POLR1B: variants seen among roughly 807,000 people sequenced by gnomAD.
POLR1B encodes DNA-directed RNA polymerase I subunit RPA2.
A neutral mutation model predicts 105.8 loss-of-function variants in POLR1B; 30 were observed. That is an observed-to-expected ratio of 0.28 (90% CI 0.21 to 0.38). The LOEUF is 0.38. POLR1B is among the 10% of genes least tolerant of loss of function. The pLI is 1.00. For synonymous variants in POLR1B, 485 were observed against 505.1 expected (o/e 0.96, Z 0.53); for missense variants, 976 against 1,435.8 (o/e 0.68, Z 5.17).
At position 112,573,653 on chromosome 2, in the gene POLR1B, G is replaced by A; in HGVS notation, c.2363G>A (p.Gly788Glu). The change falls in exon 14 of 15, where the codon GGA becomes GAA. Residue 788 changes from glycine (G) to glutamate (E), a missense_variant. Gly to Glu is a moderately conservative substitution (Grantham distance 98). This residue lies in a region of POLR1B where 119 missense variants were observed against 149.7 expected (regional missense o/e 0.79). Transcript: ENST00000263331. Reference sequence around the variant, plus strand: ...GACCTCTCTGAAAAAATTAAACAAGGAGATAGTAGCCTGGTGTTTGGCATC... The same window carrying A: ...GACCTCTCTGAAAAAATTAAACAAGAAGATAGTAGCCTGGTGTTTGGCATC... ...FIDLSEKIKQ[G>E]DSSLVFGIKP... The A allele has an allele frequency of 1.9e-6, 3 of 1,614,176 alleles. No homozygotes were observed. Among genetic ancestry groups the A allele is most frequent in the Non-Finnish European group, 2.5e-6 (3 of 1,180,036 alleles).
At chr2:112,550,619 G>A (rs1268046808) in intron 4 of POLR1B, 1 of 516,868 alleles carries the variant, frequency 1.9e-6, no homozygotes, top group East Asian at 3.3e-5. Context: ...GTCCTGGAGG[G>A]AAACTTTGAA....
intron 7 of POLR1B, among the ~76,000 whole-genome samples, chr2:112,555,698 G>C (rs923450649): frequency 6.6e-6 from 1 of 152,178 alleles, no homozygotes; most frequent in African/African-American, 2.4e-5. Flanking sequence ...TTACTAAGGT[G>C]ACCTGTGTCA....
intron 3 of POLR1B, among the ~76,000 whole-genome samples, chr2:112,548,379 A>G (rs1389138495): frequency 6.6e-6 from 1 of 152,240 alleles, no homozygotes; most frequent in Non-Finnish European, 1.5e-5. Context: ...TGTTATGAGA[A>G]TTAAATGTTA....
intron 13 of POLR1B, among the ~76,000 whole-genome samples, chr2:112,572,980 T>A (rs544413363): frequency 6.6e-6 from 1 of 152,260 alleles, no homozygotes; most frequent in Non-Finnish European, 1.5e-5. Flanking sequence ...TTTGAGTGCA[T>A]ATTATGAGTA....
chr2:112,573,540 T>C lies in POLR1B; in HGVS notation c.2272-22T>C, dbSNP rs1028488217. The C allele has an allele frequency of 2.5e-6, 4 of 1,600,798 alleles. No individual in the cohort carries two copies. In the African/African-American group the frequency reaches 4.0e-5, roughly 16 times the overall value. On this transcript the variant is annotated intron_variant, in intron 13 of 14. Coordinates refer to ENST00000263331, the MANE Select transcript of POLR1B (RefSeq NM_019014.6). ...AAATCCTCAATTGGCCTCAGTCTTT[T>C]AACGATTCTTTTACTTCACAGATTG...
rs1684706382 is a variant in POLR1B, at chr2:112,573,652, G to A, written c.2362G>A (p.Gly788Arg). 1 of 1,614,074 alleles carries A rather than the reference G, an allele frequency of 6.2e-7. No individual in the cohort carries two copies. Among genetic ancestry groups the A allele is most frequent in the Admixed American group, 1.7e-5 (1 of 60,006 alleles). Residue 788 changes from glycine to arginine, a missense_variant, in exon 14 of 15, where the codon GGA (glycine) becomes AGA (arginine). Physicochemically the swap from Gly to Arg is moderately radical, Grantham distance 125. Transcript: ENST00000263331. ...FIDLSEKIKQ[G>R]DSSLVFGIKP... is the part of the protein sequence containing the mutation. ...AGACCTCTCTGAAAAAATTAAACAA[G>A]GAGATAGTAGCCTGGTGTTTGGCAT...
intron 7 of POLR1B, 116 bp downstream of exon 7, chr2:112,552,932 G>A (rs1683450618): frequency 1.6e-5 from 16 of 1,000,008 alleles, no homozygotes; most frequent in Admixed American, 4.0e-5. Context: ...CATTTTGTGT[G>A]GTCTCTTTTT....
At chr2:112,554,322 G>A (rs190877282) in intron 7 of POLR1B, among the ~76,000 whole-genome samples, 229 of 151,208 alleles carry the variant, frequency 1.5e-3, no homozygotes, top group African/African-American at 2.8e-3. Flanking sequence ...TAGTAGAGAC[G>A]GGATTTCACC....
intron 10 of POLR1B, 80 bp from the exon 11 acceptor site, chr2:112,567,887 T>TA: frequency 8.3e-7 from 1 of 1,208,408 alleles, no homozygotes; most frequent in Non-Finnish European, 1.2e-6. Flanking sequence ...GGATGAGTGG[T>TA]ATTCCATGGG....
At chr2:112,557,475 C>T (rs1192505904) in intron 7 of POLR1B, among the ~76,000 whole-genome samples, 3 of 152,114 alleles carry the variant, frequency 2.0e-5, no homozygotes, top group Non-Finnish European at 4.4e-5. Flanking sequence ...CCTGAAAAGC[C>T]CTCTTTCAGG....
At chr2:112,559,166 G>A in intron 8 of POLR1B, 127 bp from the exon 9 acceptor site, 1 of 1,145,882 alleles carries the variant, frequency 8.7e-7, no homozygotes, top group Non-Finnish European at 1.2e-6. Context: ...AGAGCTAGGA[G>A]AATAAATGTT....
At chr2:112,546,051 G>T in intron 1 of POLR1B, 1 of 160,144 alleles carries the variant, frequency 6.2e-6, no homozygotes, top group South Asian at 1.5e-4. Flanking sequence ...GAACCTCCTT[G>T]GTATTCTTTC....
intron 7 of POLR1B, among the ~76,000 whole-genome samples, chr2:112,554,055 T>G (rs1683514861): frequency 6.6e-6 from 1 of 152,186 alleles, no homozygotes; most frequent in African/African-American, 2.4e-5. Context: ...CTCGAACTCC[T>G]GACCTCAGGT....
rs74423057 is a variant in POLR1B at position 112,573,516 on chromosome 2, A to G, written c.2272-46A>G. On this transcript the variant is annotated intron_variant, in intron 13 of 14. Transcript: ENST00000263331. ...TAGTCCCACCTAGTTTTATTTTGAAAATCCTCAATTGGCCTCAGTCTTTTA... is the reference window on the plus strand; with the variant it reads ...TAGTCCCACCTAGTTTTATTTTGAAGATCCTCAATTGGCCTCAGTCTTTTA... 1,241 of 1,566,494 alleles carry G rather than the reference A, an allele frequency of 7.9e-4. 13 individuals carry two copies. In the African/African-American group the frequency reaches 0.016, roughly 20 times the overall value.
intron 8 of POLR1B, 61 bp from the exon 9 acceptor site, chr2:112,559,232 C>T: frequency 6.3e-7 from 1 of 1,584,820 alleles, no homozygotes; most frequent in Non-Finnish European, 8.6e-7. Context: ...GTCATAAAGC[C>T]TCAACAATTT....
At chr2:112,569,078 A>C (rs1156960055) in intron 12 of POLR1B, among the ~76,000 whole-genome samples, 176 bp downstream of exon 12, 6 of 152,184 alleles carry the variant, frequency 3.9e-5, no homozygotes, top group Non-Finnish European at 8.8e-5. Context: ...CATTGTATTT[A>C]GTTGGCATGT....
In POLR1B at chr2:112,552,768, G is replaced by A; in HGVS notation, c.1110G>A (p.Val370=). The change falls in exon 7 of 15, where the codon GTG becomes GTA. Residue 370 remains valine (V), a synonymous_variant. Transcript: ENST00000263331. Reference sequence around the variant, plus strand: ...TGGAGGACAATCCTGATAGTTTGGTGAACCAGGAAGTCCTCACACCGGGTC... The same window carrying A: ...TGGAGGACAATCCTGATAGTTTGGTAAACCAGGAAGTCCTCACACCGGGTC... ...ECMEDNPDSL[V]NQEVLTPGQL... 3 of 1,608,522 alleles carry A rather than the reference G, an allele frequency of 1.9e-6. No homozygotes were observed. The highest frequency in any genetic ancestry group is 2.5e-6 in the Non-Finnish European group (3 of 1,177,980).
At chr2:112,569,198 G>A (rs1298315194) in intron 12 of POLR1B, among the ~76,000 whole-genome samples, 1 of 152,122 alleles carries the variant, frequency 6.6e-6, no homozygotes, top group Non-Finnish European at 1.5e-5. Context: ...GTGTGCCTGA[G>A]GTCTTATTAT....
intron 10 of POLR1B, among the ~76,000 whole-genome samples, chr2:112,565,438 G>T (rs927114916): frequency 2.0e-5 from 3 of 152,164 alleles, no homozygotes; most frequent in Non-Finnish European, 2.9e-5. Flanking sequence ...TAAGAACAAG[G>T]ACTTTCTCTT....
Sources: allele counts gnomAD v4.1 joint callset (sites outside exome capture counted in the v4.1 genomes callset), GRCh38; gene constraint gnomAD v4.1.1; regional missense constraint gnomAD v4.1.1; transcripts MANE v1.5; gene names NCBI Gene and HGNC (gene_info 2026-07-23, HGNC 2026-07-21).